ITGA9: variants seen among roughly 807,000 people sequenced by gnomAD.
ITGA9 encodes the protein integrin alpha-9.
Under a neutral mutation model 127.8 loss-of-function variants are expected in ITGA9, and 56 were observed. The observed-to-expected ratio is 0.44, with a 90% CI of 0.35 to 0.55. The LOEUF (loss-of-function observed/expected upper bound fraction) is 0.55. ITGA9 is among the 20% of genes least tolerant of loss of function. The probability of loss-of-function intolerance (pLI) is 0.00; values close to 1 mark genes in which losing one functional copy is unlikely to be tolerated. For synonymous variants in ITGA9, 508 were observed against 514.5 expected, an observed-to-expected ratio of 0.99 and a Z score of 0.17; for missense variants, 1,196 against 1,347.1, an observed-to-expected ratio of 0.89 and a Z score of 1.76.
chr3:37,529,451 A>T (rs1239395385), intron 13 of ITGA9, among the ~76,000 whole-genome samples: 1 of 152,074 alleles, frequency 6.6e-6, no homozygotes, highest in Non-Finnish European at 1.5e-5. Flanking sequence ...ATGGGGCAAA[A>T]GCCAGATGGC....
In ITGA9 at chr3:37,537,830, C is replaced by T. The variant is rs1448376450; in HGVS notation, c.1528+4362C>T. Among the ~76,000 whole-genome samples, 3 of 152,218 alleles carry T rather than the reference C, an allele frequency of 2.0e-5. No individual in the cohort carries two copies. The East Asian group carries it at 5.8e-4, about 29-fold the overall frequency. Reference sequence around the variant, plus strand: ...GTGGGCTCCTCCAGGAGCAGGTTTACAACGTATTTCATAAAGCACTTTAAA... The same window carrying T: ...GTGGGCTCCTCCAGGAGCAGGTTTATAACGTATTTCATAAAGCACTTTAAA... On this transcript the variant is annotated intron_variant, in intron 14 of 27. Transcript: ENST00000264741.
At chr3:37,759,238 A>G (rs1003674799) in intron 23 of ITGA9, among the ~76,000 whole-genome samples, 4 of 152,088 alleles carry the variant, frequency 2.6e-5, no homozygotes, top group African/African-American at 9.7e-5. Flanking sequence ...ACAAAAAAAA[A>G]GTAACAACTA....
At chr3:37,456,523 C>T (rs1559511187) in intron 1 of ITGA9, among the ~76,000 whole-genome samples, 1 of 152,188 alleles carries the variant, frequency 6.6e-6, no homozygotes, top group Non-Finnish European at 1.5e-5. Flanking sequence ...TCTTTCACAC[C>T]CCACCCCGTC....
intron 16 of ITGA9, among the ~76,000 whole-genome samples, chr3:37,645,946 AT>A (rs1700372454): frequency 2.6e-5 from 4 of 152,268 alleles, no homozygotes; most frequent in Admixed American, 2.0e-4. Flanking sequence ...CTGAGCTGCT[AT>A]TTCTGAATCA....
chr3:37,754,873 C>T lies in ITGA9; in HGVS notation c.2541+4304C>T, dbSNP rs1192669566. ...TCAATTAATTTATAGTGGGACTGCT[C>T]ACATCCCTATGAAGAAAATATGCAC... On this transcript the variant is annotated intron_variant, in intron 23 of 27. Coordinates refer to ENST00000264741, the MANE Select transcript of ITGA9 (RefSeq NM_002207.3). 3.3e-5 allele frequency among the ~76,000 whole-genome samples: 5 copies of T among 152,256 alleles called. No individual in the cohort carries two copies. In the East Asian group the frequency reaches 5.8e-4, roughly 18 times the overall value.
intron 24 of ITGA9, among the ~76,000 whole-genome samples, chr3:37,779,283 T>C (rs1696946809): frequency 6.6e-6 from 1 of 152,132 alleles, no homozygotes; most frequent in South Asian, 2.1e-4. Flanking sequence ...TTCTGTATTT[T>C]TTGTAGAGAC....
intron 16 of ITGA9, among the ~76,000 whole-genome samples, chr3:37,642,869 C>G (rs1009409182): frequency 1.3e-5 from 2 of 152,214 alleles, no homozygotes; most frequent in African/African-American, 4.8e-5. Flanking sequence ...AGGAATATAG[C>G]TCATGCTATG....
At chr3:37,804,011 G>C (rs1697265853) in intron 27 of ITGA9, 69 bp downstream of exon 27, 4 of 1,610,906 alleles carry the variant, frequency 2.5e-6, no homozygotes, top group South Asian at 1.1e-5. Flanking sequence ...TGCCTTTCCA[G>C]GGAAGAAGGA....
chr3:37,469,727 T>A (rs1326172182), intron 1 of ITGA9, among the ~76,000 whole-genome samples: 1 of 152,232 alleles, frequency 6.6e-6, no homozygotes, highest in East Asian at 1.9e-4. Flanking sequence ...ATTGTATTTG[T>A]GCAGTTCATC....
chr3:37,506,929 C>G (rs1263556706), intron 7 of ITGA9, among the ~76,000 whole-genome samples: 1 of 152,096 alleles, frequency 6.6e-6, no homozygotes, highest in African/African-American at 2.4e-5. Context: ...CTGGATTAGC[C>G]CAGATGAGCT....
At chr3:37,786,712 C>T (rs1308877665) in intron 26 of ITGA9, among the ~76,000 whole-genome samples, 1 of 152,086 alleles carries the variant, frequency 6.6e-6, no homozygotes, top group Non-Finnish European at 1.5e-5. Flanking sequence ...ATCAGGGAGT[C>T]TGGGATGAAA....
intron 23 of ITGA9, among the ~76,000 whole-genome samples, chr3:37,773,428 G>GA (rs1254635339): frequency 1.3e-5 from 2 of 152,176 alleles, no homozygotes; most frequent in Non-Finnish European, 2.9e-5. Context: ...GCTTTGGAGT[G>GA]AAAAAGTGAT....
intron 1 of ITGA9, among the ~76,000 whole-genome samples, chr3:37,468,737 T>C: frequency 6.6e-6 from 1 of 152,192 alleles, no homozygotes; most frequent in East Asian, 1.9e-4. Flanking sequence ...CTAAACACCT[T>C]TTCCACAAAT....
At chr3:37,547,863 G>A (rs1448490712) in intron 15 of ITGA9, among the ~76,000 whole-genome samples, 1 of 152,156 alleles carries the variant, frequency 6.6e-6, no homozygotes, top group Admixed American at 6.5e-5. Context: ...GTCAAAGAAA[G>A]GATGTCTTTC....
In ITGA9 at chr3:37,623,714, TG is replaced by T. The variant is rs2125632673; in HGVS notation, c.1690-5472del. ...GTCTGTGTGTGTGTGTGTGTGTGTGTGTCCAGCTTTTCGAGTTGTCCGTGGG... is the reference window on the plus strand; with the variant it reads ...GTCTGTGTGTGTGTGTGTGTGTGTGTTCCAGCTTTTCGAGTTGTCCGTGGG... On this transcript the variant is annotated intron_variant, in intron 15 of 27. Transcript: ENST00000264741. 2.0e-5 allele frequency among the ~76,000 whole-genome samples: 3 copies of T among 151,836 alleles called. No homozygotes were observed. In the East Asian group the frequency reaches 5.8e-4, roughly 29 times the overall value.
At chr3:37,505,695 A>G (rs1698833136) in intron 6 of ITGA9, among the ~76,000 whole-genome samples, 1 of 152,194 alleles carries the variant, frequency 6.6e-6, no homozygotes, top group Admixed American at 6.5e-5. Flanking sequence ...CAGATATATG[A>G]CCTTACCGTA....
chr3:37,593,333 C>A (rs1699838242), intron 15 of ITGA9, among the ~76,000 whole-genome samples: 2 of 151,530 alleles, frequency 1.3e-5, no homozygotes, highest in Non-Finnish European at 1.5e-5. Flanking sequence ...TGTTTTTTTC[C>A]TGAATATTTT....
intron 19 of ITGA9, among the ~76,000 whole-genome samples, chr3:37,735,575 C>T (rs769260406): frequency 6.6e-6 from 1 of 152,152 alleles, no homozygotes; most frequent in Admixed American, 6.5e-5. Flanking sequence ...ATTTAAGAAC[C>T]GTTTTGTCCA....
At chr3:37,453,908 C>T (rs950455578) in intron 1 of ITGA9, among the ~76,000 whole-genome samples, 5 of 152,240 alleles carry the variant, frequency 3.3e-5, no homozygotes, top group South Asian at 2.1e-4. Flanking sequence ...ACATCTCCCT[C>T]TCTCACTTAC....
Sources: allele counts gnomAD v4.1 joint callset (sites outside exome capture counted in the v4.1 genomes callset), GRCh38; gene constraint gnomAD v4.1.1; transcripts MANE v1.5; gene names NCBI Gene and HGNC (gene_info 2026-07-23, HGNC 2026-07-21).